PACRGL: variants seen among roughly 807,000 people sequenced by gnomAD.
PACRGL encodes the protein PACRG-like protein.
Under a neutral mutation model 34.5 loss-of-function variants are expected in PACRGL, and 38 were observed. The ratio of observed to expected loss-of-function variants is 1.10; its 90% CI spans 0.85 to 1.44. The LOEUF (loss-of-function observed/expected upper bound fraction) is 1.44. PACRGL is among the 40% of genes most tolerant of loss of function. The probability of loss-of-function intolerance (pLI) is 0.00; values close to 1 mark genes in which losing one functional copy is unlikely to be tolerated. For missense variants in PACRGL, 305 were observed against 281.4 expected (o/e 1.08, Z -0.60); for synonymous variants, 128 against 100.1 (o/e 1.28, Z -1.66).
At chr4:20,758,909 A>T in the PACRGL span, 1 of 1,604,420 alleles carries the variant, frequency 6.2e-7, no homozygotes, top group South Asian at 1.1e-5. Context: ...AGTGGCAGAG[A>T]AGCAATATGA....
intron 7 of PACRGL, chr4:20,718,907 A>T (rs907037388): frequency 4.6e-5 from 7 of 152,258 alleles, no homozygotes; most frequent in African/African-American, 1.7e-4. Context: ...GAAGAATGGT[A>T]CAAGCTCCTC....
chr4:20,750,161 C>G (rs971368240), intron 8 of PACRGL, among the ~76,000 whole-genome samples: 1 of 152,180 alleles, frequency 6.6e-6, no homozygotes, highest in African/African-American at 2.4e-5. Flanking sequence ...ATTATTAGAA[C>G]TTTCATCATT....
chr4:20,702,280 T>C (rs914806993), intron 1 of PACRGL: 8 of 453,134 alleles, frequency 1.8e-5, no homozygotes, highest in Non-Finnish European at 3.1e-5. Flanking sequence ...GCCCTTGTTA[T>C]GTTTGTGGGT....
chr4:20,735,827 G>A (rs564317171), downstream of PACRGL, among the ~76,000 whole-genome samples: 10 of 152,138 alleles, frequency 6.6e-5, no homozygotes, highest in East Asian at 1.7e-3. Flanking sequence ...GAGCCACCAC[G>A]CCTGGCCAGA....
downstream of PACRGL, among the ~76,000 whole-genome samples, chr4:20,757,330 C>T (rs1400334108): frequency 6.6e-6 from 1 of 152,174 alleles, no homozygotes; most frequent in Admixed American, 6.6e-5. Flanking sequence ...TAATTAGTCT[C>T]CCTGCCTGCA....
In PACRGL at chr4:20,741,523, A is replaced by T. The variant is rs532502793; in HGVS notation, c.*57-11042A>T. On this transcript the variant is annotated intron_variant, in intron 8 of 8. Coordinates refer to the PACRGL transcript ENST00000507634. ...ATAAAGATGTTCTTTGAAACCAATG[A>T]GAACAAAGACACAACGTACCAGAAT... Among the ~76,000 whole-genome samples the T allele has an allele frequency of 2.0e-5, 3 of 152,360 alleles. No individual in the cohort carries two copies. The East Asian group carries it at 5.8e-4, about 29-fold the overall frequency.
chr4:20,754,697 T>G (rs1754207374), downstream of PACRGL, among the ~76,000 whole-genome samples: 1 of 152,200 alleles, frequency 6.6e-6, no homozygotes. Context: ...TAATTTTTTC[T>G]CAAATCCCTA....
rs1428464951 is a variant in PACRGL, at chr4:20,728,456, C to T, written c.*1115C>T. Reference sequence around the variant, plus strand: ...AATTTTGATGTAATAGAAGCAATTCCCTCTGGCTACAACAGCTGCCTGCCT... The same window carrying T: ...AATTTTGATGTAATAGAAGCAATTCTCTCTGGCTACAACAGCTGCCTGCCT... On this transcript the variant is annotated 3_prime_UTR_variant, in exon 9 of 9. Transcript: ENST00000503585. 4.6e-5 allele frequency: 7 copies of T among 152,196 alleles called. No individual in the cohort carries two copies. The highest frequency in any genetic ancestry group is 8.8e-5 in the Non-Finnish European group (6 of 68,002). 9.4% of individuals were successfully genotyped at this position (152,196 alleles called of 1,614,324 possible).
At chr4:20,713,015 C>T in intron 6 of PACRGL, 93 bp downstream of exon 6, 29 of 1,275,204 alleles carry the variant, frequency 2.3e-5, no homozygotes, top group Non-Finnish European at 3.0e-5. Flanking sequence ...TTTTTCCCTC[C>T]ATATTATATG....
chr4:20,731,966 T>G lies in PACRGL; in HGVS notation c.*4625T>G, dbSNP rs767916581. On this transcript the variant is annotated 3_prime_UTR_variant, in exon 9 of 9. Transcript: ENST00000503585. ...CTGCTAATACTCAGTTTAGCTGTTA[T>G]GATAGCTGAATTGATAGTTATTACA... is the stretch of plus-strand genomic sequence containing the variant. 37 of 1,610,866 alleles carry G rather than the reference T, an allele frequency of 2.3e-5. No homozygotes were observed. Among genetic ancestry groups the G allele is most frequent in the Non-Finnish European group, 3.1e-5 (37 of 1,179,022 alleles).
At position 20,729,097 on chromosome 4, in the gene PACRGL, G is replaced by A. The variant is rs1317550422; in HGVS notation, c.*1756G>A. The A allele has an allele frequency of 6.6e-6, 1 of 151,810 alleles. No homozygotes were observed. The highest frequency in any genetic ancestry group is 2.4e-5 in the African/African-American group (1 of 41,326). The allele number at this position is 151,810 out of a possible 1,614,324, so 9.4% of individuals were successfully genotyped here. ...GCTGTTTGTTCTTAGTAGACAGTGG[G>A]GTAGTCAAGGTTTCTTTCTTTGTCC... On this transcript the variant is annotated 3_prime_UTR_variant, in exon 9 of 9. Coordinates refer to ENST00000503585, the MANE Select transcript of PACRGL (RefSeq NM_001258345.3).
chr4:20,735,530 G>GTTTTTTTTTTTTTT (rs10542507), downstream of PACRGL, among the ~76,000 whole-genome samples: 17 of 109,712 alleles, frequency 1.5e-4, no homozygotes, highest in Middle Eastern at 5.2e-3. Flanking sequence ...TTTTTTTTTT[G>GTTTTTTTTTTTTTT]TTTTTTTTTT....
intron 8 of PACRGL, among the ~76,000 whole-genome samples, chr4:20,743,972 C>A (rs1751803334): frequency 6.6e-6 from 1 of 151,752 alleles, no homozygotes; most frequent in South Asian, 2.1e-4. Flanking sequence ...AGACTCTTCT[C>A]AAAAGAAGAC....
At chr4:20,740,846 C>T (rs918581464) in intron 8 of PACRGL, among the ~76,000 whole-genome samples, 2 of 152,000 alleles carry the variant, frequency 1.3e-5, no homozygotes, top group Non-Finnish European at 2.9e-5. Flanking sequence ...CAGAGACAAA[C>T]ATAGGCTCAA....
downstream of PACRGL, chr4:20,734,743 GAAAT>G: frequency 1.3e-6 from 2 of 1,490,810 alleles, no homozygotes; most frequent in Non-Finnish European, 1.8e-6. Flanking sequence ...ATCCTGAAAA[GAAAT>G]AAAAATTCAA....
At chr4:20,703,048 G>A (rs1732902504) in intron 1 of PACRGL, among the ~76,000 whole-genome samples, 1 of 152,170 alleles carries the variant, frequency 6.6e-6, no homozygotes, top group African/African-American at 2.4e-5. Context: ...ATGGAGCTTT[G>A]TCCTCCTTTT....
chr4:20,749,564 T>TAA, intron 8 of PACRGL: 1 of 782,810 alleles, frequency 1.3e-6, no homozygotes, highest in Non-Finnish European at 2.0e-6. Context: ...GGGCTTTCTT[T>TAA]CCCCTGAGCA....
At position 20,732,235 on chromosome 4, in the gene PACRGL, T is replaced by C. The variant is rs534966465; in HGVS notation, c.*4894T>C. 1.3e-5 allele frequency among the ~76,000 whole-genome samples: 2 copies of C among 152,320 alleles called. No homozygotes were observed. The highest frequency in any genetic ancestry group is 1.9e-4 in the East Asian group (1 of 5,182). On this transcript the variant is annotated 3_prime_UTR_variant, in exon 9 of 9. Coordinates refer to ENST00000503585, the MANE Select transcript of PACRGL (RefSeq NM_001258345.3). ...AGCAGTTTTTTAGAGATAAAAATGATAGGGCCAAATGCTTCTGGCTTTTCC... is the reference window on the plus strand; with the variant it reads ...AGCAGTTTTTTAGAGATAAAAATGACAGGGCCAAATGCTTCTGGCTTTTCC...
chr4:20,749,556 G>T, intron 8 of PACRGL: 1 of 700,038 alleles, frequency 1.4e-6, no homozygotes, highest in East Asian at 2.8e-5. Context: ...GTGTCCTTGG[G>T]CTTTCTTTCC....
Sources: gnomAD v4.1 joint callset for allele counts (sites outside exome capture counted in the v4.1 genomes callset) on GRCh38, gnomAD v4.1.1 for gene constraint, MANE v1.5 for transcripts, NCBI Gene and HGNC (gene_info 2026-07-23, HGNC 2026-07-21) for gene names.